The following SYNE1 variants were observed in gnomAD, a reference collection of about 807,000 sequenced individuals.
The protein encoded by SYNE1 is nesprin-1.
SYNE1 carries 616 observed loss-of-function variants against 1,111.0 expected under a neutral mutation model. The observed-to-expected ratio is 0.55, with a 90% CI of 0.52 to 0.59. The LOEUF (loss-of-function observed/expected upper bound fraction) is 0.59. Ranked by LOEUF, SYNE1 falls within the 20% of genes least tolerant of loss-of-function variation. The pLI, the probability that SYNE1 is intolerant of heterozygous loss-of-function variation, is 0.00. For missense variants in SYNE1, 10,006 were observed against 10,417.0 expected, an observed-to-expected ratio of 0.96 and a Z score of 1.72; for synonymous variants, 3,855 against 3,825.8, an observed-to-expected ratio of 1.01 and a Z score of -0.28.
chr6:152,632,818 C>T (rs2099700112), intron 2 of SYNE1, among the ~76,000 whole-genome samples: 1 of 152,140 alleles, frequency 6.6e-6, no homozygotes, highest in Non-Finnish European at 1.5e-5. Context: ...TGTCATGTTT[C>T]CAGCAGATTG....
chr6:152,360,149 C>T (rs961294175), intron 64 of SYNE1, among the ~76,000 whole-genome samples: 2 of 152,190 alleles, frequency 1.3e-5, no homozygotes, highest in Non-Finnish European at 2.9e-5. Context: ...CGCTTCTCAG[C>T]TTAAAACCTG....
At position 152,353,310 on chromosome 6, in the gene SYNE1, C is replaced by A; in HGVS notation, c.11206G>T (p.Asp3736Tyr). ...KNFKNVATKI[D>Y]KVDTVMMGKK... The stretch of plus-strand genomic sequence containing the variant: ...CCCATCATTACTGTATCTACTTTGT[C>A]AATCTTGGTAGCCACATTCTTGAAG... The change falls in exon 69 of 146, where the codon GAC (aspartate) becomes TAC (tyrosine). Residue 3736 changes from aspartate (D) to tyrosine (Y), a missense_variant. Physicochemically the swap from Asp to Tyr is radical, Grantham distance 160 (BLOSUM62 -3). Around this residue, in one of 7 missense-constraint regions of SYNE1, gnomAD observed 4,955 missense variants for 5,017.2 expected, o/e 0.99. Coordinates refer to ENST00000367255, the MANE Select transcript of SYNE1 (RefSeq NM_182961.4). 1 of 1,614,174 alleles carries A rather than the reference C, an allele frequency of 6.2e-7. No homozygotes were observed. The highest frequency in any genetic ancestry group is 1.1e-5 in the South Asian group (1 of 91,070).
rs116213641 is a variant in SYNE1, at chr6:152,600,228, G to A, written c.67+28037C>T. ...GTGACGAAACAAAACAACAGATGGC[G>A]AGAGGCTAAGGAACAGTTGCCATGA... On this transcript the variant is annotated intron_variant, in intron 3 of 145. Coordinates refer to ENST00000367255, the MANE Select transcript of SYNE1 (RefSeq NM_182961.4). Among the ~76,000 whole-genome samples, 731 of 152,252 alleles carry A rather than the reference G, an allele frequency of 4.8e-3. 2 individuals carry two copies. The highest frequency in any genetic ancestry group is 0.017 in the African/African-American group (705 of 41,542).
At chr6:152,141,994 C>T (rs1329552273) in intron 138 of SYNE1, among the ~76,000 whole-genome samples, 1 of 151,954 alleles carries the variant, frequency 6.6e-6, no homozygotes, top group African/African-American at 2.4e-5. Context: ...TTGCTTGAGC[C>T]CAGGAATTCA....
At chr6:152,427,566 A>G (rs1294812323) in intron 38 of SYNE1, 127 bp downstream of exon 38, 3 of 1,148,432 alleles carry the variant, frequency 2.6e-6, no homozygotes, top group Non-Finnish European at 3.8e-6. Flanking sequence ...ATGTCAAATG[A>G]TGCTTCAGGA....
chr6:152,613,014 A>G (rs926111659), intron 3 of SYNE1, among the ~76,000 whole-genome samples: 9 of 152,200 alleles, frequency 5.9e-5, no homozygotes, highest in Non-Finnish European at 1.3e-4. Context: ...AATAAGAGCT[A>G]TTTATGACAA....
intron 127 of SYNE1, 86 bp from the exon 128 acceptor site, chr6:152,189,493 T>C (rs2153229914): frequency 7.7e-7 from 1 of 1,294,400 alleles, no homozygotes. Context: ...TTGATAGAAT[T>C]TCCTTTGTAT....
Position 152,352,495 on chromosome 6 carries a change from T to A in SYNE1, c.11254-142A>T, listed in dbSNP as rs141054757. On this transcript the variant is annotated intron_variant, in intron 69 of 145. Transcript: ENST00000367255. ...TTGGCTCACTGCAACTTCCGCCTCC[T>A]GGGTTCCAGCGATTCTCCTGCCTCA... 9.1e-4 allele frequency: 776 copies of A among 848,398 alleles called. 3 individuals carry two copies. In the African/African-American group the frequency reaches 0.012, roughly 13 times the overall value. The allele number at this position is 848,398 out of a possible 1,614,324, so 52.6% of individuals were successfully genotyped here. A position where few individuals can be genotyped will look rare whatever the true frequency, so the allele number is the denominator to read the frequency against.
At chr6:152,370,434 T>C (rs149413753) in intron 59 of SYNE1, among the ~76,000 whole-genome samples, 2,756 of 152,336 alleles carry the variant, frequency 0.018, 68 homozygotes, top group African/African-American at 0.062. Flanking sequence ...ATGTAGTTTA[T>C]GTGATTATGT....
At chr6:152,564,007 TAAAG>T (rs1206400567) in intron 3 of SYNE1, among the ~76,000 whole-genome samples, 9 of 152,084 alleles carry the variant, frequency 5.9e-5, no homozygotes, top group African/African-American at 2.2e-4. Context: ...AAATATCAGT[TAAAG>T]AAAGAGCCTT....
intron 10 of SYNE1, among the ~76,000 whole-genome samples, chr6:152,501,750 A>G (rs1564486981): frequency 6.6e-6 from 1 of 151,986 alleles, no homozygotes; most frequent in African/African-American, 2.4e-5. Flanking sequence ...AAAAAAAAAA[A>G]GGAAAGAATC....
At position 152,430,151 on chromosome 6, in the gene SYNE1, A is replaced by G. The variant is rs201761581; in HGVS notation, c.4749T>C (p.Ser1583=). 6.2e-7 allele frequency: 1 copy of G among 1,605,058 alleles called. No homozygotes were observed. Residue 1583 remains serine (S), a synonymous_variant, in exon 36 of 146, where the codon TCT becomes TCC. Transcript: ENST00000367255. ...DKLAVPIKIC[S]SATETYKVLQ... ...GAACTTTGTATGTTTCTGTAGCTGAAGAACATATTTTAATTGGAACAGCAA... is the reference window on the plus strand; with the variant it reads ...GAACTTTGTATGTTTCTGTAGCTGAGGAACATATTTTAATTGGAACAGCAA...
At chr6:152,518,011 A>C (rs189107272) in intron 6 of SYNE1, among the ~76,000 whole-genome samples, 62 of 152,156 alleles carry the variant, frequency 4.1e-4, no homozygotes, top group Admixed American at 8.5e-4. Context: ...AATAGAACAC[A>C]AACAACAACA....
At chr6:152,299,522 CCTT>C (rs2095059278) in intron 93 of SYNE1, among the ~76,000 whole-genome samples, 1 of 152,196 alleles carries the variant, frequency 6.6e-6, no homozygotes, top group Non-Finnish European at 1.5e-5. Flanking sequence ...CATGCTGACT[CCTT>C]CTCAGCTGCA....
chr6:152,527,847 G>A (rs568944688), intron 4 of SYNE1, among the ~76,000 whole-genome samples: 3 of 152,232 alleles, frequency 2.0e-5, no homozygotes, highest in African/African-American at 7.2e-5. Context: ...AAATACACAG[G>A]TGTCTGCCAC....
At chr6:152,408,578 G>A (rs113048002) in intron 44 of SYNE1, among the ~76,000 whole-genome samples, 11 of 152,234 alleles carry the variant, frequency 7.2e-5, no homozygotes, top group African/African-American at 2.2e-4. Flanking sequence ...TTACAAAGCA[G>A]ATACATATTT....
In SYNE1 at chr6:152,387,392, T is replaced by A; in HGVS notation, c.8178-11A>T. On this transcript the variant is annotated splice_polypyrimidine_tract_variant and intron_variant, in intron 53 of 145. Transcript: ENST00000367255. ...ACAGACTCTAAAGTGCTAGAATTAATGTCACATATTAACAAAAATGAATTA... is the reference window on the plus strand; with the variant it reads ...ACAGACTCTAAAGTGCTAGAATTAAAGTCACATATTAACAAAAATGAATTA... The A allele has an allele frequency of 6.2e-7, 1 of 1,613,328 alleles. No individual in the cohort carries two copies. Among genetic ancestry groups the A allele is most frequent in the Non-Finnish European group, 8.5e-7 (1 of 1,179,486 alleles).
chr6:152,585,882 G>A (rs995315491), intron 3 of SYNE1, among the ~76,000 whole-genome samples: 3 of 152,126 alleles, frequency 2.0e-5, no homozygotes, highest in African/African-American at 7.2e-5. Context: ...CCTTTGGTCT[G>A]CTTGAAATCG....
intron 117 of SYNE1, among the ~76,000 whole-genome samples, chr6:152,222,870 A>G (rs1255174204): frequency 6.6e-6 from 1 of 152,248 alleles, no homozygotes; most frequent in African/African-American, 2.4e-5. Context: ...AAGATTGCTT[A>G]AAGCAAAGAA....
Sources: gnomAD v4.1 joint callset for allele counts (sites outside exome capture counted in the v4.1 genomes callset) on GRCh38, gnomAD v4.1.1 for gene constraint, gnomAD v4.1.1 regional missense constraint, MANE v1.5 for transcripts, NCBI Gene and HGNC (gene_info 2026-07-23, HGNC 2026-07-21) for gene names.